Variants in INTS14 observed in about 807,000 individuals in gnomAD.
INTS14 encodes the protein integrator complex subunit 14.
A neutral mutation model predicts 56.9 loss-of-function variants in INTS14; 27 were observed. That is an observed-to-expected ratio of 0.47 (90% CI 0.35 to 0.65). INTS14 has a LOEUF of 0.65. Ranked by LOEUF, INTS14 falls within the 30% of genes least tolerant of loss-of-function variation. The pLI is 0.00. For synonymous variants in INTS14, 207 were observed against 236.2 expected (o/e 0.88, Z 1.13); for missense variants, 517 against 632.2 (o/e 0.82, Z 1.95).
In INTS14 at chr15:65,598,360, C is replaced by T; in HGVS notation, c.709G>A (p.Asp237Asn). ...VFPRPEPFVVDEEIDPIPKVI... is the reference protein window; with the variant it reads ...VFPRPEPFVVNEEIDPIPKVI... ...TTAGGGATAGGATCAATTTCTTCATCTACAACAAAAGGTTCTGGCCTGGGG... is the reference window on the plus strand; with the variant it reads ...TTAGGGATAGGATCAATTTCTTCATTTACAACAAAAGGTTCTGGCCTGGGG... The change falls in exon 6 of 12, where the codon GAT becomes AAT. Residue 237 changes from aspartate (D) to asparagine (N), a missense_variant. Transcript: ENST00000313182. 1 of 1,614,042 alleles carries T rather than the reference C, an allele frequency of 6.2e-7. No homozygotes were observed.
At chr15:65,586,764 T>C (rs1453298742) in intron 9 of INTS14, 1 of 151,560 alleles carries the variant, frequency 6.6e-6, no homozygotes, top group Non-Finnish European at 1.5e-5. Context: ...CAGAAAGAGA[T>C]AGAAAATTAC....
chr15:65,582,644 GCA>G, intron 10 of INTS14, among the ~76,000 whole-genome samples: 1 of 152,222 alleles, frequency 6.6e-6, no homozygotes, highest in Non-Finnish European at 1.5e-5. Context: ...TTTGGATTTG[GCA>G]ATGATCTCTT....
At chr15:65,600,011 AG>A in intron 3 of INTS14, 82 bp from the exon 4 acceptor site, 1 of 1,450,754 alleles carries the variant, frequency 6.9e-7, no homozygotes, top group Non-Finnish European at 9.3e-7. Flanking sequence ...TTTCACTGCT[AG>A]AAAGGGGCAC....
chr15:65,604,567 A>G (rs1310341308), intron 3 of INTS14, among the ~76,000 whole-genome samples: 1 of 151,948 alleles, frequency 6.6e-6, no homozygotes, highest in East Asian at 1.9e-4. Flanking sequence ...GGTCTCTACA[A>G]AAAATGTAAA....
chr15:65,587,315 C>T (rs116354370), intron 9 of INTS14, among the ~76,000 whole-genome samples: 2,165 of 150,820 alleles, frequency 0.014, 55 homozygotes, highest in African/African-American at 0.05. Context: ...ATAACCATAC[C>T]ATTTATGAAG....
intron 1 of INTS14, among the ~76,000 whole-genome samples, chr15:65,609,802 G>A (rs1201631894): frequency 6.6e-6 from 1 of 152,086 alleles, no homozygotes; most frequent in East Asian, 1.9e-4. Context: ...AGAATGGGAG[G>A]AAACAGTTTA....
At chr15:65,604,324 C>CCAG (rs2073561026) in intron 3 of INTS14, among the ~76,000 whole-genome samples, 1 of 152,168 alleles carries the variant, frequency 6.6e-6, no homozygotes, top group South Asian at 2.1e-4. Context: ...CCTGGTGATC[C>CCAG]GTCCACCTCA....
At chr15:65,601,583 C>T (rs968391374) in intron 3 of INTS14, among the ~76,000 whole-genome samples, 11 of 152,122 alleles carry the variant, frequency 7.2e-5, no homozygotes, top group African/African-American at 2.2e-4. Flanking sequence ...CCTTGTGAAC[C>T]GTCAGCCTCG....
At chr15:65,593,100 A>G (rs942934614) in intron 8 of INTS14, among the ~76,000 whole-genome samples, 1 of 151,382 alleles carries the variant, frequency 6.6e-6, no homozygotes, top group Non-Finnish European at 1.5e-5. Context: ...ATAAATTAAA[A>G]AAAAAAAAAA....
At chr15:65,580,304 T>TAG (rs1466788499) in intron 11 of INTS14, among the ~76,000 whole-genome samples, 6 of 152,324 alleles carry the variant, frequency 3.9e-5, no homozygotes, top group Admixed American at 1.3e-4. Flanking sequence ...GCACTTTCCC[T>TAG]AGGCCCTTTT....
chr15:65,584,479 G>C (rs1382860262), intron 10 of INTS14, among the ~76,000 whole-genome samples: 1 of 152,144 alleles, frequency 6.6e-6, no homozygotes, highest in Non-Finnish European at 1.5e-5. Flanking sequence ...AGGAAGCTCA[G>C]AGCCAAAACA....
intron 5 of INTS14, 191 bp downstream of exon 5, chr15:65,598,681 A>C (rs1214910975): frequency 2.9e-6 from 2 of 697,030 alleles, no homozygotes; most frequent in Non-Finnish European, 4.7e-6. Flanking sequence ...CATTATAAGG[A>C]AGTCAGTATC....
At chr15:65,597,863 G>T (rs2073271786) in intron 6 of INTS14, among the ~76,000 whole-genome samples, 1 of 152,048 alleles carries the variant, frequency 6.6e-6, no homozygotes, top group African/African-American at 2.4e-5. Context: ...AATTATCTAG[G>T]ATTGGAGATC....
At chr15:65,606,486 C>T (rs1356516942) in intron 2 of INTS14, among the ~76,000 whole-genome samples, 1 of 151,748 alleles carries the variant, frequency 6.6e-6, no homozygotes, top group Non-Finnish European at 1.5e-5. Context: ...AACTCCTGGG[C>T]TCAAGTGATC....
At chr15:65,605,070 G>T in intron 3 of INTS14, 59 bp downstream of exon 3, 1 of 1,283,792 alleles carries the variant, frequency 7.8e-7, no homozygotes, top group South Asian at 1.2e-5. Flanking sequence ...GAAGAAAATC[G>T]AAGCACCTCA....
chr15:65,592,330 A>C (rs1214738307), intron 8 of INTS14, among the ~76,000 whole-genome samples: 1 of 152,106 alleles, frequency 6.6e-6, no homozygotes, highest in Non-Finnish European at 1.5e-5. Flanking sequence ...ATTAATCCTA[A>C]CTCTTGATCT....
chr15:65,608,311 C>T (rs968105704), intron 1 of INTS14, among the ~76,000 whole-genome samples: 1 of 142,554 alleles, frequency 7.0e-6, no homozygotes, highest in Non-Finnish European at 1.5e-5. Context: ...GAGCCGAGAT[C>T]GTGCCACTGC....
chr15:65,600,021 AC>A, intron 3 of INTS14, 92 bp from the exon 4 acceptor site: 2 of 1,390,890 alleles, frequency 1.4e-6, no homozygotes, highest in South Asian at 1.4e-5. Context: ...AGAAAGGGGC[AC>A]CAGGGCTGGC....
chr15:65,604,223 C>A (rs2073554140), intron 3 of INTS14, among the ~76,000 whole-genome samples: 1 of 152,154 alleles, frequency 6.6e-6, no homozygotes, highest in African/African-American at 2.4e-5. Context: ...GCTGGGACTA[C>A]AGGTGCACAC....
Sources: gnomAD v4.1 joint callset for allele counts (sites outside exome capture counted in the v4.1 genomes callset) on GRCh38, gnomAD v4.1.1 for gene constraint, MANE v1.5 for transcripts, NCBI Gene and HGNC (gene_info 2026-07-23, HGNC 2026-07-21) for gene names.